The following ABCC4 variants were observed in gnomAD, a reference collection of about 807,000 sequenced individuals.
The protein encoded by ABCC4 is ATP-binding cassette sub-family C member 4.
ABCC4 carries 102 observed loss-of-function variants against 168.5 expected under a neutral mutation model. That is an observed-to-expected ratio of 0.61 (90% CI 0.52 to 0.71). The LOEUF is 0.71. ABCC4 is among the 30% of genes least tolerant of loss of function. The pLI is 0.00. For synonymous variants in ABCC4, 617 were observed against 590.7 expected (o/e 1.04, Z -0.65); for missense variants, 1,402 against 1,605.8 (o/e 0.87, Z 2.17).
intron 21 of ABCC4, among the ~76,000 whole-genome samples, chr13:95,080,895 C>T (rs572188147): frequency 1.6e-4 from 24 of 152,222 alleles, no homozygotes; most frequent in African/African-American, 3.9e-4. Context: ...CTCCCTGCCA[C>T]GGCAGTCAGG....
chr13:95,297,277 A>G (rs1284249768), intron 1 of ABCC4, among the ~76,000 whole-genome samples: 1 of 151,664 alleles, frequency 6.6e-6, no homozygotes, highest in African/African-American at 2.4e-5. Context: ...ATAAAAAAAA[A>G]AAAGAAAGAA....
intron 20 of ABCC4, among the ~76,000 whole-genome samples, chr13:95,093,540 C>A (rs1227410138): frequency 6.6e-6 from 1 of 151,996 alleles, no homozygotes; most frequent in Non-Finnish European, 1.5e-5. Flanking sequence ...AAGAGACATA[C>A]CTCAATGTAA....
intron 27 of ABCC4, among the ~76,000 whole-genome samples, chr13:95,050,711 C>T (rs2032793882): frequency 6.6e-6 from 1 of 152,098 alleles, no homozygotes; most frequent in Admixed American, 6.5e-5. Context: ...CCACGTCTTC[C>T]ACCTCATCAT....
At chr13:95,102,992 C>A (rs1052714914) in intron 20 of ABCC4, among the ~76,000 whole-genome samples, 1 of 151,456 alleles carries the variant, frequency 6.6e-6, no homozygotes, top group South Asian at 2.1e-4. Flanking sequence ...CTGGGCCGGG[C>A]GCAGTGGCTC....
intron 13 of ABCC4, among the ~76,000 whole-genome samples, chr13:95,171,436 A>T (rs1232789288): frequency 3.9e-5 from 6 of 152,072 alleles, no homozygotes; most frequent in Admixed American, 3.9e-4. Context: ...ACACACCTGT[A>T]GTCCCAGCTA....
chr13:95,049,009 T>C (rs2032711945), intron 27 of ABCC4, among the ~76,000 whole-genome samples: 1 of 152,184 alleles, frequency 6.6e-6, no homozygotes, highest in Non-Finnish European at 1.5e-5. Context: ...TTTTTCAGTA[T>C]TTACGATAAC....
chr13:95,128,948 C>T (rs560341609), intron 19 of ABCC4, among the ~76,000 whole-genome samples: 1 of 152,306 alleles, frequency 6.6e-6, no homozygotes. Flanking sequence ...GTGAAAGAAT[C>T]AAGGAAAACG....
At chr13:95,174,221 T>C (rs1008057516) in intron 13 of ABCC4, among the ~76,000 whole-genome samples, 2 of 152,242 alleles carry the variant, frequency 1.3e-5, no homozygotes, top group African/African-American at 4.8e-5. Context: ...ATCCACTTAG[T>C]GTTTGCAACA....
chr13:95,277,472 T>C (rs963497906), intron 1 of ABCC4, among the ~76,000 whole-genome samples: 1 of 151,646 alleles, frequency 6.6e-6, no homozygotes, highest in Non-Finnish European at 1.5e-5. Context: ...TCTCAGTTAT[T>C]TGGGAGCCTG....
Position 95,283,094 on chromosome 13 carries a change from T to C in ABCC4, c.74+18147A>G, listed in dbSNP as rs540315514. ...AGCCTGGCGCGGTGGCACGCACCTG[T>C]AGTCCCAGCTACTTGGGAGGCTGGG... On this transcript the variant is annotated intron_variant, in intron 1 of 30. Transcript: ENST00000645237. Among the ~76,000 whole-genome samples, 11 of 151,440 alleles carry C rather than the reference T, an allele frequency of 7.3e-5. No individual in the cohort carries two copies. The East Asian group carries it at 2.2e-3, about 31-fold the overall frequency.
intron 19 of ABCC4, among the ~76,000 whole-genome samples, chr13:95,143,213 T>A (rs2036378613): frequency 6.6e-6 from 1 of 152,042 alleles, no homozygotes; most frequent in Non-Finnish European, 1.5e-5. Flanking sequence ...ATTTCCCACA[T>A]TTTTTCAGGC....
chr13:95,118,095 C>A (rs935468636), intron 19 of ABCC4, among the ~76,000 whole-genome samples: 1 of 152,108 alleles, frequency 6.6e-6, no homozygotes, highest in African/African-American at 2.4e-5. Context: ...CACACAGCTA[C>A]GCCAATAACT....
chr13:95,129,635 C>T (rs2035893537), intron 19 of ABCC4, among the ~76,000 whole-genome samples: 1 of 151,656 alleles, frequency 6.6e-6, no homozygotes, highest in Non-Finnish European at 1.5e-5. Flanking sequence ...AGAAAAAATA[C>T]GTACTAGAAA....
chr13:95,259,255 C>G (rs2040467504), intron 1 of ABCC4, among the ~76,000 whole-genome samples: 1 of 152,056 alleles, frequency 6.6e-6, no homozygotes, highest in African/African-American at 2.4e-5. Flanking sequence ...TGGCACATGC[C>G]TGTAATCCCA....
At chr13:95,297,878 C>T (rs764353506) in intron 1 of ABCC4, among the ~76,000 whole-genome samples, 3 of 152,120 alleles carry the variant, frequency 2.0e-5, no homozygotes, top group Admixed American at 6.6e-5. Flanking sequence ...GTGGGAACTA[C>T]GAGGTGACTG....
At chr13:95,058,462 G>A (rs1003546748) in intron 26 of ABCC4, among the ~76,000 whole-genome samples, 4 of 150,236 alleles carry the variant, frequency 2.7e-5, no homozygotes, top group South Asian at 2.1e-4. Context: ...CCAGCTACTC[G>A]GGAGGCAGAG....
At chr13:95,252,987 A>G (rs1361371850) in intron 1 of ABCC4, among the ~76,000 whole-genome samples, 1 of 152,308 alleles carries the variant, frequency 6.6e-6, no homozygotes, top group East Asian at 1.9e-4. Flanking sequence ...CTGTCTGGTG[A>G]CCACCCTAGA....
At chr13:95,250,456 G>A (rs1193677121) in intron 1 of ABCC4, among the ~76,000 whole-genome samples, 1 of 152,160 alleles carries the variant, frequency 6.6e-6, no homozygotes, top group Non-Finnish European at 1.5e-5. Flanking sequence ...TGGAAAGAAT[G>A]AATGATTGTA....
intron 19 of ABCC4, among the ~76,000 whole-genome samples, chr13:95,128,260 A>T (rs926982670): frequency 6.6e-6 from 1 of 152,228 alleles, no homozygotes; most frequent in African/African-American, 2.4e-5. Flanking sequence ...CTCTATACAC[A>T]TTGGAGTCTA....
Sources: allele counts gnomAD v4.1 joint callset (sites outside exome capture counted in the v4.1 genomes callset), GRCh38; gene constraint gnomAD v4.1.1; transcripts MANE v1.5; gene names NCBI Gene and HGNC (gene_info 2026-07-23, HGNC 2026-07-21).